GSR: variants seen among roughly 807,000 people sequenced by gnomAD.
GSR encodes glutathione reductase, mitochondrial.
Under a neutral mutation model 56.5 loss-of-function variants are expected in GSR, and 48 were observed. The observed-to-expected ratio is 0.85, with a 90% confidence interval of 0.67 to 1.08. The LOEUF (loss-of-function observed/expected upper bound fraction) is 1.08. Ranked by LOEUF, GSR falls within the 50% of genes least tolerant of loss-of-function variation. The pLI is 0.00. For synonymous variants in GSR, 264 were observed against 270.8 expected, an observed-to-expected ratio of 0.97 and a Z score of 0.25; for missense variants, 694 against 703.3, an observed-to-expected ratio of 0.99 and a Z score of 0.15.
chr8:30,704,005 T>C (rs943499510), intron 4 of GSR, among the ~76,000 whole-genome samples: 1 of 152,042 alleles, frequency 6.6e-6, no homozygotes, highest in Non-Finnish European at 1.5e-5. Context: ...GAAAGTTCCT[T>C]ATGTGCAATG....
intron 6 of GSR, among the ~76,000 whole-genome samples, chr8:30,697,258 C>T (rs922890608): frequency 1.6e-4 from 25 of 151,816 alleles, no homozygotes; most frequent in Non-Finnish European, 3.2e-4. Flanking sequence ...ACTAAAAATA[C>T]AAAAAGTTAG....
chr8:30,711,962 G>T, intron 2 of GSR, 100 bp downstream of exon 2: 1 of 725,164 alleles, frequency 1.4e-6, no homozygotes, highest in Non-Finnish European at 2.4e-6. Flanking sequence ...TTTTTTTGCA[G>T]AAAGAATTTT....
At chr8:30,685,119 C>T (rs1803117304) in intron 9 of GSR, among the ~76,000 whole-genome samples, 1 of 151,952 alleles carries the variant, frequency 6.6e-6, no homozygotes, top group African/African-American at 2.4e-5. Context: ...GCCGCCACAC[C>T]CAGCTAATTT....
In GSR at chr8:30,703,108, C is replaced by T; in HGVS notation, c.625G>A (p.Glu209Lys). The T allele has an allele frequency of 3.7e-6, 6 of 1,614,094 alleles. No homozygotes were observed. Among genetic ancestry groups the T allele is most frequent in the Non-Finnish European group, 4.2e-6 (5 of 1,180,006 alleles). Residue 209 changes from glutamate to lysine, a missense_variant, in exon 5 of 13, where the codon GAG becomes AAG. Physicochemically the swap from Glu to Lys is moderately conservative, Grantham distance 56. Transcript: ENST00000221130. ...ATGGMPSTPH[E>K]SQIPGASLGI... Reference sequence around the variant, plus strand: ...TATGACTCACCGGGGATCTGGCTCTCATGAGGGGTGGAGGGCATACCACCT... The same window carrying T: ...TATGACTCACCGGGGATCTGGCTCTTATGAGGGGTGGAGGGCATACCACCT...
intron 6 of GSR, among the ~76,000 whole-genome samples, chr8:30,697,380 C>T (rs1803580628): frequency 6.6e-6 from 1 of 151,684 alleles, no homozygotes; most frequent in African/African-American, 2.4e-5. Flanking sequence ...CACCAATGCA[C>T]TCCAGCCTGG....
Position 30,679,247 on chromosome 8 carries a change from G to GAA in GSR, c.*271_*272dup. ...TTATATTTGGGATGAGGCTAAAACA[G>GAA]AAAAAAAAAACTAGCACAGAGCTGT... On this transcript the variant is annotated 3_prime_UTR_variant, in exon 13 of 13. Coordinates refer to ENST00000221130, the MANE Select transcript of GSR (RefSeq NM_000637.5). 1.3e-4 allele frequency: 51 copies of GAA among 382,652 alleles called. No homozygotes were observed. The highest frequency in any genetic ancestry group is 7.7e-4 in the East Asian group (15 of 19,486). 23.7% of individuals were successfully genotyped at this position (382,652 alleles called of 1,614,324 possible).
At chr8:30,696,965 C>T (rs1277097163) in intron 6 of GSR, among the ~76,000 whole-genome samples, 1 of 152,142 alleles carries the variant, frequency 6.6e-6, no homozygotes, top group Non-Finnish European at 1.5e-5. Context: ...TCCCAAAGTG[C>T]CGGCATTACA....
At chr8:30,682,098 G>C (rs1376718369) in intron 10 of GSR, 37 bp from the exon 11 acceptor site, 4 of 1,587,848 alleles carry the variant, frequency 2.5e-6, no homozygotes, top group Non-Finnish European at 3.5e-6. Context: ...TTATCTTACT[G>C]TCTGTTTTAA....
intron 1 of GSR, among the ~76,000 whole-genome samples, chr8:30,720,655 A>C (rs988012920): frequency 1.0e-5 from 1 of 99,012 alleles, no homozygotes; most frequent in African/African-American, 2.7e-5. Flanking sequence ...GGGAGGCATC[A>C]AACTTGAGAA....
chr8:30,682,455 C>T (rs1235863270), intron 10 of GSR, among the ~76,000 whole-genome samples: 1 of 152,222 alleles, frequency 6.6e-6, no homozygotes, highest in Non-Finnish European at 1.5e-5. Context: ...AAGTTACCTA[C>T]CAACTATGTG....
intron 4 of GSR, among the ~76,000 whole-genome samples, chr8:30,707,638 G>A (rs890705986): frequency 6.6e-6 from 1 of 151,184 alleles, no homozygotes; most frequent in Non-Finnish European, 1.5e-5. Flanking sequence ...CCAGCCTGGC[G>A]ACAGATAGAG....
chr8:30,700,043 G>A (rs1803676468), intron 6 of GSR, 38 bp downstream of exon 6: 1 of 1,496,770 alleles, frequency 6.7e-7, no homozygotes, highest in Non-Finnish European at 9.3e-7. Flanking sequence ...AGACAGTAAG[G>A]AAGAATGAGT....
intron 9 of GSR, among the ~76,000 whole-genome samples, chr8:30,688,345 G>A (rs773309523): frequency 1.3e-5 from 2 of 152,168 alleles, no homozygotes; most frequent in Admixed American, 6.6e-5. Flanking sequence ...TTGGGAGGCC[G>A]AGGTGGAAGG....
chr8:30,727,820 G>C lies in GSR; in HGVS notation c.16C>G (p.Arg6Gly), dbSNP rs913243161. 2.1e-5 allele frequency: 26 copies of C among 1,261,874 alleles called. No individual in the cohort carries two copies. Among genetic ancestry groups the C allele is most frequent in the Non-Finnish European group, 2.6e-5 (26 of 1,008,294 alleles). 78.2% of individuals were successfully genotyped at this position (1,261,874 alleles called of 1,614,324 possible). ...GGTCCCGCGCCGGCGCTCAGGGCTC[G>C]GGGCAGCAGGGCCATGCACGCGGAA... MALLP[R>G]ALSAGAGPSW... Residue 6 changes from arginine (R) to glycine (G), a missense_variant, in exon 1 of 13, where the codon CGA becomes GGA. Arg to Gly is a moderately radical substitution (Grantham distance 125). Coordinates refer to ENST00000221130, the MANE Select transcript of GSR (RefSeq NM_000637.5).
intron 6 of GSR, among the ~76,000 whole-genome samples, chr8:30,697,131 T>C (rs1445790588): frequency 6.6e-6 from 1 of 151,832 alleles, no homozygotes; most frequent in Non-Finnish European, 1.5e-5. Context: ...AACATAAAAG[T>C]AAGGCCAGGC....
rs1257822687 is a variant in GSR, at chr8:30,689,160, C to T, written c.1041+1G>A. On this transcript the variant is annotated splice_donor_variant, in intron 9 of 12. Coordinates refer to ENST00000221130, the MANE Select transcript of GSR (RefSeq NM_000637.5). LOFTEE classifies it high-confidence loss of function. ...GTTTCGGGCAGACCAAGCCAGCTTA[C>T]CAGTTTGTTTAAACTCAGGTCCTTG... is the stretch of plus-strand genomic sequence containing the variant. 4 of 1,613,768 alleles carry T rather than the reference C, an allele frequency of 2.5e-6. No homozygotes were observed. Among genetic ancestry groups the T allele is most frequent in the Admixed American group, 3.3e-5 (2 of 59,986 alleles).
At chr8:30,711,557 G>T (rs530691428) in intron 2 of GSR, among the ~76,000 whole-genome samples, 106 of 151,434 alleles carry the variant, frequency 7.0e-4, no homozygotes, top group Non-Finnish European at 4.9e-4. Flanking sequence ...CTTGGCTGGG[G>T]TCTGTGGCTC....
At chr8:30,683,274 C>T (rs558455030) in intron 10 of GSR, among the ~76,000 whole-genome samples, 2 of 152,240 alleles carry the variant, frequency 1.3e-5, no homozygotes, top group African/African-American at 4.8e-5. Flanking sequence ...TCTAAAGGAG[C>T]TAAAAGGGTT....
At chr8:30,714,860 T>TG (rs1804275105) in intron 1 of GSR, among the ~76,000 whole-genome samples, 2 of 152,182 alleles carry the variant, frequency 1.3e-5, no homozygotes, top group African/African-American at 2.4e-5. Flanking sequence ...AACAGTTTAA[T>TG]GATCACTCAC....
Sources: allele counts gnomAD v4.1 joint callset (sites outside exome capture counted in the v4.1 genomes callset), GRCh38; gene constraint gnomAD v4.1.1; transcripts MANE v1.5; gene names NCBI Gene and HGNC (gene_info 2026-07-23, HGNC 2026-07-21).